The following CACNG3 variants were observed in gnomAD, a reference collection of about 807,000 sequenced individuals.
The protein encoded by CACNG3 is calcium voltage-gated channel auxiliary subunit gamma 3, also known as voltage-dependent calcium channel gamma-3 subunit.
Under a neutral mutation model 28.5 loss-of-function variants are expected in CACNG3, and 3 were observed. The ratio of observed to expected loss-of-function variants is 0.11; its 90% CI spans 0.05 to 0.27. The LOEUF is 0.27. Among genes scored for constraint, CACNG3 ranks in the 10% least tolerant of loss-of-function variants. The pLI is 1.00. For synonymous variants in CACNG3, 174 were observed against 162.2 expected, an observed-to-expected ratio of 1.07 and a Z score of -0.55; for missense variants, 236 against 414.4, an observed-to-expected ratio of 0.57 and a Z score of 3.74.
rs1482757532 is a variant in CACNG3, at chr16:24,346,767, A to C, written c.245A>C (p.His82Pro). 1 of 1,614,068 alleles carries C rather than the reference A, an allele frequency of 6.2e-7. No homozygotes were observed. Among genetic ancestry groups the C allele is most frequent in the Non-Finnish European group, 8.5e-7 (1 of 1,179,966 alleles). ...AFRGVCKKID[H>P]FPEDADYEQD... ...CGAGGCGTGTGCAAGAAAATCGATC[A>C]CTTCCCTGAAGATGCTGACTACGAA... The change falls in exon 2 of 4, where the codon CAC becomes CCC. Residue 82 changes from histidine (H) to proline (P), a missense_variant. Physicochemically the swap from His to Pro is moderately conservative, Grantham distance 77 (BLOSUM62 -2). Around this residue, in one of 2 missense-constraint regions of CACNG3, gnomAD observed 120 missense variants for 263.4 expected, o/e 0.46. Transcript: ENST00000005284.
intron 1 of CACNG3, among the ~76,000 whole-genome samples, chr16:24,341,504 C>A (rs992017805): frequency 2.0e-5 from 3 of 152,132 alleles, no homozygotes; most frequent in African/African-American, 7.2e-5. Context: ...TATGTCATTG[C>A]CTAATTAAAA....
At chr16:24,306,651 C>A (rs1899189180) in intron 1 of CACNG3, among the ~76,000 whole-genome samples, 1 of 152,196 alleles carries the variant, frequency 6.6e-6, no homozygotes, top group Admixed American at 6.5e-5. Context: ...CCTACCCCAA[C>A]ACATACACAC....
chr16:24,309,580 A>G (rs903649052), intron 1 of CACNG3, among the ~76,000 whole-genome samples: 2 of 152,202 alleles, frequency 1.3e-5, no homozygotes, highest in Non-Finnish European at 2.9e-5. Context: ...CAATTCACGT[A>G]CTTTCATGCA....
At chr16:24,313,007 A>G (rs1284274177) in intron 1 of CACNG3, among the ~76,000 whole-genome samples, 6 of 148,892 alleles carry the variant, frequency 4.0e-5, no homozygotes, top group African/African-American at 1.5e-4. Context: ...AAGAAAGAAA[A>G]AGAGAGAAAG....
At chr16:24,313,937 A>G (rs1466784180) in intron 1 of CACNG3, among the ~76,000 whole-genome samples, 2 of 151,600 alleles carry the variant, frequency 1.3e-5, no homozygotes, top group East Asian at 2.0e-4. Flanking sequence ...TAGAGACAGG[A>G]TATCGCCATG....
chr16:24,265,186 G>A (rs1013431618), intron 1 of CACNG3, among the ~76,000 whole-genome samples: 1 of 151,990 alleles, frequency 6.6e-6, no homozygotes, highest in South Asian at 2.1e-4. Context: ...TAGTTGCAAT[G>A]AGTTGAGATC....
At chr16:24,321,820 T>C (rs1178206221) in intron 1 of CACNG3, among the ~76,000 whole-genome samples, 3 of 152,242 alleles carry the variant, frequency 2.0e-5, no homozygotes, top group African/African-American at 4.8e-5. Flanking sequence ...CATGATGATA[T>C]ACTGCTATAA....
intron 1 of CACNG3, among the ~76,000 whole-genome samples, chr16:24,307,370 C>T (rs1899199391): frequency 2.0e-5 from 3 of 152,124 alleles, no homozygotes; most frequent in Non-Finnish European, 2.9e-5. Flanking sequence ...GATCCACCCA[C>T]CTCAGCCTCC....
intron 1 of CACNG3, among the ~76,000 whole-genome samples, chr16:24,327,106 C>T (rs1899558478): frequency 9.1e-6 from 1 of 110,036 alleles, no homozygotes; most frequent in Admixed American, 1.4e-4. Flanking sequence ...TAAGGAGTGG[C>T]CAAGGCAGGG....
intron 1 of CACNG3, among the ~76,000 whole-genome samples, chr16:24,327,440 A>G (rs62029058): frequency 0.72 from 76,247 of 105,238 alleles, 27,604 homozygotes; most frequent in Middle Eastern, 0.82. Flanking sequence ...GTGTGTGTGT[A>G]TATATATATA....
chr16:24,301,743 C>A (rs1299217475), intron 1 of CACNG3, among the ~76,000 whole-genome samples: 1 of 152,156 alleles, frequency 6.6e-6, no homozygotes, highest in African/African-American at 2.4e-5. Flanking sequence ...AACCATACTT[C>A]CTTCCTTCAT....
At chr16:24,351,066 T>C (rs1375369941) in intron 2 of CACNG3, among the ~76,000 whole-genome samples, 2 of 152,128 alleles carry the variant, frequency 1.3e-5, no homozygotes, top group Non-Finnish European at 2.9e-5. Flanking sequence ...GCCTGCATAA[T>C]AGAACTGCAG....
intron 1 of CACNG3, among the ~76,000 whole-genome samples, chr16:24,313,941 C>T (rs772408121): frequency 8.6e-5 from 13 of 151,810 alleles, no homozygotes; most frequent in Admixed American, 1.3e-4. Flanking sequence ...GACAGGATAT[C>T]GCCATGTTGG....
chr16:24,302,580 G>A (rs1365913648), intron 1 of CACNG3, among the ~76,000 whole-genome samples: 1 of 151,978 alleles, frequency 6.6e-6, no homozygotes, highest in Non-Finnish European at 1.5e-5. Context: ...TCAGCCCCTA[G>A]AATAATGGAG....
intron 1 of CACNG3, among the ~76,000 whole-genome samples, chr16:24,280,820 T>TCAAAAAA (rs1898815685): frequency 6.9e-5 from 1 of 14,412 alleles, no homozygotes; most frequent in Non-Finnish European, 1.3e-4. Context: ...AGAGTTTGTC[T>TCAAAAAA]CAAAAAAAAA....
chr16:24,317,696 GA>G (rs1189420496), intron 1 of CACNG3, among the ~76,000 whole-genome samples: 1 of 108,574 alleles, frequency 9.2e-6, no homozygotes, highest in African/African-American at 4.0e-5. Flanking sequence ...AAGAAAGAAA[GA>G]AAGAAAGAAA....
chr16:24,299,536 G>A (rs79473568), intron 1 of CACNG3, among the ~76,000 whole-genome samples: 3 of 152,166 alleles, frequency 2.0e-5, no homozygotes, highest in Non-Finnish European at 4.4e-5. Flanking sequence ...TGAGTGCTGG[G>A]TGTGCTCATT....
intron 1 of CACNG3, among the ~76,000 whole-genome samples, chr16:24,297,255 AAAATAAAATAAAATAAAATAAAAT>A (rs1314607847): frequency 0.09 from 13,488 of 150,480 alleles, 1,181 homozygotes; most frequent in African/African-American, 0.23. Context: ...CTCTAAAAAT[AAAATAAAATAAAATAAAATAAAAT>A]AAATAAATAA....
chr16:24,311,521 A>ATTAAATG (rs1899263406), intron 1 of CACNG3, among the ~76,000 whole-genome samples: 1 of 143,180 alleles, frequency 7.0e-6, no homozygotes, highest in Non-Finnish European at 1.5e-5. Context: ...AAAAAAAAAA[A>ATTAAATG]GTGCTAAGTA....
Sources: gnomAD v4.1 joint callset for allele counts (sites outside exome capture counted in the v4.1 genomes callset) on GRCh38, gnomAD v4.1.1 for gene constraint, gnomAD v4.1.1 regional missense constraint, MANE v1.5 for transcripts, NCBI Gene and HGNC (gene_info 2026-07-23, HGNC 2026-07-21) for gene names.